KCNAB1: variants seen among roughly 807,000 people sequenced by gnomAD.
KCNAB1 encodes the protein voltage-gated potassium channel subunit beta-1.
KCNAB1 carries 35 observed loss-of-function variants against 64.6 expected under a neutral mutation model. The ratio of observed to expected loss-of-function variants is 0.54; its 90% CI spans 0.41 to 0.72. The LOEUF (loss-of-function observed/expected upper bound fraction) is 0.72, where lower values mean the gene tolerates loss of function less well. KCNAB1 is among the 30% of genes least tolerant of loss of function. KCNAB1 has a pLI of 0.00. For synonymous variants in KCNAB1, 177 were observed against 183.8 expected, an observed-to-expected ratio of 0.96 and a Z score of 0.30; for missense variants, 401 against 512.9, an observed-to-expected ratio of 0.78 and a Z score of 2.11.
chr3:156,135,031 C>CT, intron 1 of KCNAB1, among the ~76,000 whole-genome samples: 1 of 151,886 alleles, frequency 6.6e-6, no homozygotes, highest in East Asian at 1.9e-4. Flanking sequence ...GAGTCTCACT[C>CT]TGCTGCCCAG....
chr3:156,521,739 C>T (rs563852265), intron 11 of KCNAB1, among the ~76,000 whole-genome samples: 1 of 152,154 alleles, frequency 6.6e-6, no homozygotes, highest in Non-Finnish European at 1.5e-5. Context: ...AGCCTCATCT[C>T]CTATCTCTGC....
At chr3:156,296,100 C>T (rs192818994) in intron 1 of KCNAB1, among the ~76,000 whole-genome samples, 42 of 152,262 alleles carry the variant, frequency 2.8e-4, no homozygotes, top group African/African-American at 9.6e-4. Flanking sequence ...TTTCATTACA[C>T]TGTGTTAGTT....
chr3:156,209,845 C>T (rs997318697), intron 1 of KCNAB1, among the ~76,000 whole-genome samples: 1 of 152,158 alleles, frequency 6.6e-6, no homozygotes, highest in African/African-American at 2.4e-5. Flanking sequence ...AAACATTTCT[C>T]CAGAATGGCA....
At chr3:156,129,032 T>C (rs1202359564) in intron 1 of KCNAB1, among the ~76,000 whole-genome samples, 1 of 95,924 alleles carries the variant, frequency 1.0e-5, no homozygotes, top group Non-Finnish European at 2.3e-5. Flanking sequence ...CATCATGCCT[T>C]CTTCCCGGGG....
At chr3:156,490,157 CA>C in intron 8 of KCNAB1, among the ~76,000 whole-genome samples, 1 of 152,128 alleles carries the variant, frequency 6.6e-6, no homozygotes, top group Non-Finnish European at 1.5e-5. Context: ...CACCCATGTC[CA>C]GGTCACCAGC....
intron 1 of KCNAB1, among the ~76,000 whole-genome samples, chr3:156,206,388 C>T (rs1310819372): frequency 2.0e-5 from 3 of 152,198 alleles, no homozygotes; most frequent in Non-Finnish European, 2.9e-5. Context: ...CATCACTTCT[C>T]TTCTGGGTTT....
intron 1 of KCNAB1, among the ~76,000 whole-genome samples, chr3:156,303,924 A>G (rs9812993): frequency 0.09 from 13,746 of 152,240 alleles, 1,932 homozygotes; most frequent in African/African-American, 0.3. Context: ...CGAAGTCTGC[A>G]TATTTATTCT....
At chr3:156,137,508 A>G (rs1714424904) in intron 1 of KCNAB1, among the ~76,000 whole-genome samples, 1 of 151,812 alleles carries the variant, frequency 6.6e-6, no homozygotes, top group African/African-American at 2.4e-5. Flanking sequence ...AATGAATGAC[A>G]GAGACATTTA....
intron 11 of KCNAB1, among the ~76,000 whole-genome samples, chr3:156,522,976 T>C (rs1485348699): frequency 6.6e-6 from 1 of 152,350 alleles, no homozygotes; most frequent in East Asian, 1.9e-4. Context: ...GCTCGCTTTA[T>C]GTAGAAGAGT....
Position 156,452,882 on chromosome 3 carries a change from T to TC in KCNAB1, c.320-17_320-16insC. 6.4e-7 allele frequency: 1 copy of TC among 1,565,546 alleles called. No individual in the cohort carries two copies. On this transcript the variant is annotated splice_polypyrimidine_tract_variant and intron_variant, in intron 2 of 13. Transcript: ENST00000490337. The surrounding 1 kb of genome is among the most constrained non-coding windows in gnomAD (Gnocchi z 4.6). Reference sequence around the variant, plus strand: ...AAAATGATGATGAATAATATGCAAATATTTATTATTTTCTAGGAACATGGG... The same window carrying TC: ...AAAATGATGATGAATAATATGCAAATCATTTATTATTTTCTAGGAACATGGG...
intron 1 of KCNAB1, among the ~76,000 whole-genome samples, chr3:156,388,206 T>C (rs958207561): frequency 6.6e-6 from 1 of 152,124 alleles, no homozygotes; most frequent in African/African-American, 2.4e-5. Flanking sequence ...CCAGCAAAAA[T>C]CAAAGGAAGT....
intron 1 of KCNAB1, among the ~76,000 whole-genome samples, chr3:156,349,541 C>T: frequency 6.6e-6 from 1 of 152,104 alleles, no homozygotes; most frequent in East Asian, 1.9e-4. Flanking sequence ...ACCAATTCTC[C>T]AGCTTCTTGT....
At chr3:156,175,472 T>C (rs1201712259) in intron 1 of KCNAB1, among the ~76,000 whole-genome samples, 1 of 152,012 alleles carries the variant, frequency 6.6e-6, no homozygotes, top group African/African-American at 2.4e-5. Flanking sequence ...TACAAAAAAT[T>C]AGCCGAGTGT....
At chr3:156,293,163 ATG>A (rs1264062956) in intron 1 of KCNAB1, among the ~76,000 whole-genome samples, 3 of 152,320 alleles carry the variant, frequency 2.0e-5, no homozygotes, top group East Asian at 3.9e-4. Context: ...TTATTCAATT[ATG>A]TGACTCCTGC....
At chr3:156,481,445 A>C (rs1714793434) in intron 8 of KCNAB1, among the ~76,000 whole-genome samples, 1 of 151,406 alleles carries the variant, frequency 6.6e-6, no homozygotes, top group South Asian at 2.1e-4. Flanking sequence ...AAAGTGTTTC[A>C]ATTTTAAAAA....
intron 1 of KCNAB1, among the ~76,000 whole-genome samples, chr3:156,210,471 A>G (rs1379867504): frequency 6.6e-6 from 1 of 152,194 alleles, no homozygotes; most frequent in African/African-American, 2.4e-5. Flanking sequence ...GATAGAGGTT[A>G]TTTCCTCAGC....
At chr3:156,187,606 C>A (rs993908991) in intron 1 of KCNAB1, among the ~76,000 whole-genome samples, 1 of 152,194 alleles carries the variant, frequency 6.6e-6, no homozygotes, top group Admixed American at 6.5e-5. Flanking sequence ...GAACTGTGCC[C>A]TCTGTGCATC....
At position 156,345,634 on chromosome 3, in the gene KCNAB1, T is replaced by C. The variant is rs575349422; in HGVS notation, c.276-75982T>C. 4.6e-5 allele frequency among the ~76,000 whole-genome samples: 7 copies of C among 152,300 alleles called. No homozygotes were observed. In the South Asian group the frequency reaches 1.5e-3, roughly 32 times the overall value. On this transcript the variant is annotated intron_variant, in intron 1 of 13. Transcript: ENST00000490337. Reference sequence around the variant, plus strand: ...CATTAGCCATTCAGTTGTTGAATAGTGAGGACAGATAGAGGGACAGGATAG... The same window carrying C: ...CATTAGCCATTCAGTTGTTGAATAGCGAGGACAGATAGAGGGACAGGATAG...
intron 1 of KCNAB1, among the ~76,000 whole-genome samples, chr3:156,192,111 A>G (rs1460675655): frequency 1.3e-5 from 2 of 152,214 alleles, no homozygotes; most frequent in African/African-American, 2.4e-5. Context: ...ATGAAATCAT[A>G]CATGTATACT....
Sources: allele counts gnomAD v4.1 joint callset (sites outside exome capture counted in the v4.1 genomes callset), GRCh38; gene constraint gnomAD v4.1.1; non-coding constraint Gnocchi (gnomAD v3.1); transcripts MANE v1.5; gene names NCBI Gene and HGNC (gene_info 2026-07-23, HGNC 2026-07-21).